Variants in PDE4B observed in about 807,000 individuals in gnomAD.
The protein encoded by PDE4B is 3',5'-cyclic-AMP phosphodiesterase 4B.
Under a neutral mutation model 82.2 loss-of-function variants are expected in PDE4B, and 20 were observed. The ratio of observed to expected loss-of-function variants is 0.24; its 90% CI spans 0.17 to 0.35. The LOEUF is 0.35. Among genes scored for constraint, PDE4B ranks in the 10% least tolerant of loss-of-function variants. The pLI, the probability that PDE4B is intolerant of heterozygous loss-of-function variation, is 1.00. For synonymous variants in PDE4B, 320 were observed against 318.9 expected, an observed-to-expected ratio of 1.00 and a Z score of -0.04; for missense variants, 655 against 907.2, an observed-to-expected ratio of 0.72 and a Z score of 3.57.
At chr1:66,255,691 T>C (rs999650058) in intron 4 of PDE4B, among the ~76,000 whole-genome samples, 3 of 152,246 alleles carry the variant, frequency 2.0e-5, no homozygotes, top group African/African-American at 4.8e-5. Flanking sequence ...TTCTCTAACC[T>C]GTAATTGTCA....
intron 3 of PDE4B, among the ~76,000 whole-genome samples, chr1:66,094,770 G>C (rs1176378165): frequency 2.0e-5 from 3 of 151,790 alleles, no homozygotes; most frequent in Admixed American, 6.6e-5. Flanking sequence ...ACATTTATAG[G>C]GCCAGCTGGC....
intron 15 of PDE4B, 53 bp downstream of exon 15, chr1:66,368,118 A>G (rs1480591409): frequency 3.8e-6 from 6 of 1,578,832 alleles, no homozygotes; most frequent in Non-Finnish European, 5.2e-6. Flanking sequence ...ACTAAGCTGA[A>G]CAACAATTAG....
intron 7 of PDE4B, among the ~76,000 whole-genome samples, chr1:66,275,665 G>A (rs912783100): frequency 9.2e-5 from 14 of 152,112 alleles, no homozygotes; most frequent in African/African-American, 2.9e-4. Context: ...TGGGGGCAGG[G>A]TGAATTCTGC....
intron 1 of PDE4B, among the ~76,000 whole-genome samples, chr1:65,811,088 CAG>C (rs1645814099): frequency 6.6e-6 from 1 of 152,154 alleles, no homozygotes; most frequent in African/African-American, 2.4e-5. Context: ...AAAAATGCTT[CAG>C]ACATTATCAA....
In PDE4B at chr1:65,815,084, T is replaced by C. The variant is rs1275863870; in HGVS notation, c.-71+21836T>C. On this transcript the variant is annotated intron_variant, in intron 1 of 16. Transcript: ENST00000341517. ...TTATTTATTATTATTATACTTTAAG[T>C]TTTACGGTACACGTGCACAATGTGC... is the stretch of plus-strand genomic sequence containing the variant. Among the ~76,000 whole-genome samples, 3 of 150,906 alleles carry C rather than the reference T, an allele frequency of 2.0e-5. No individual in the cohort carries two copies. In the South Asian group the frequency reaches 6.2e-4, roughly 31 times the overall value.
At chr1:66,369,073 CAAT>C in intron 16 of PDE4B, 104 bp downstream of exon 16, 1 of 817,240 alleles carries the variant, frequency 1.2e-6, no homozygotes, top group Non-Finnish European at 1.8e-6. Context: ...ATATATGAAA[CAAT>C]AAGGAGACAA....
intron 3 of PDE4B, among the ~76,000 whole-genome samples, chr1:66,067,719 T>A (rs1655933439): frequency 6.6e-6 from 1 of 152,120 alleles, no homozygotes; most frequent in Non-Finnish European, 1.5e-5. Flanking sequence ...AATTTTGGCT[T>A]TTATTGCCAT....
At chr1:66,183,776 A>G (rs1162212745) in intron 3 of PDE4B, among the ~76,000 whole-genome samples, 1 of 152,226 alleles carries the variant, frequency 6.6e-6, no homozygotes, top group African/African-American at 2.4e-5. Flanking sequence ...GGTAAAAGAT[A>G]CATAAGATAT....
intron 3 of PDE4B, among the ~76,000 whole-genome samples, chr1:66,160,343 C>T (rs1646585447): frequency 6.6e-6 from 1 of 152,240 alleles, no homozygotes; most frequent in Admixed American, 6.5e-5. Flanking sequence ...ATGGCTTCCT[C>T]ATTTGCTTAT....
intron 3 of PDE4B, among the ~76,000 whole-genome samples, chr1:65,987,623 T>A (rs935126435): frequency 3.3e-5 from 5 of 152,210 alleles, no homozygotes; most frequent in African/African-American, 7.2e-5. Flanking sequence ...TTATTTATTT[T>A]TTTTTGAGAT....
intron 3 of PDE4B, among the ~76,000 whole-genome samples, chr1:66,168,260 C>A (rs982931549): frequency 6.6e-6 from 1 of 152,102 alleles, no homozygotes; most frequent in African/African-American, 2.4e-5. Context: ...ATACAGAAAT[C>A]CTCTTTCTCC....
intron 3 of PDE4B, among the ~76,000 whole-genome samples, chr1:66,094,786 A>G (rs1334157478): frequency 1.3e-5 from 2 of 152,030 alleles, no homozygotes; most frequent in Non-Finnish European, 2.9e-5. Flanking sequence ...CTGGCATTCT[A>G]AATGCTTGAC....
At chr1:66,081,796 T>G in intron 3 of PDE4B, among the ~76,000 whole-genome samples, 1 of 147,272 alleles carries the variant, frequency 6.8e-6, no homozygotes. Context: ...TACACGGGAG[T>G]GAAAAGTAAA....
intron 1 of PDE4B, among the ~76,000 whole-genome samples, chr1:65,874,391 T>A (rs1646613243): frequency 6.6e-6 from 1 of 152,204 alleles, no homozygotes; most frequent in Non-Finnish European, 1.5e-5. Flanking sequence ...CCTCTTTTCC[T>A]AATTGAATAC....
chr1:65,945,708 T>C (rs1336323746), intron 3 of PDE4B, among the ~76,000 whole-genome samples: 1 of 152,026 alleles, frequency 6.6e-6, no homozygotes, highest in African/African-American at 2.4e-5. Flanking sequence ...AAGACCACTT[T>C]CTAGGCATTA....
At chr1:66,034,227 A>G (rs569273458) in intron 3 of PDE4B, among the ~76,000 whole-genome samples, 1 of 152,294 alleles carries the variant, frequency 6.6e-6, no homozygotes, top group South Asian at 2.1e-4. Flanking sequence ...ATTTTGAATT[A>G]TATATTTGAA....
chr1:66,171,852 T>C (rs998379379), intron 3 of PDE4B, among the ~76,000 whole-genome samples: 3 of 152,104 alleles, frequency 2.0e-5, no homozygotes, highest in African/African-American at 7.2e-5. Flanking sequence ...ATAAAAAAAA[T>C]TGATATGTGA....
chr1:66,003,701 C>A (rs1244854579), intron 3 of PDE4B, among the ~76,000 whole-genome samples: 4 of 152,146 alleles, frequency 2.6e-5, no homozygotes, highest in African/African-American at 9.7e-5. Context: ...GCAGTTTATA[C>A]AGGAATTCTT....
intron 1 of PDE4B, among the ~76,000 whole-genome samples, chr1:65,821,193 C>T (rs1188697721): frequency 6.6e-6 from 1 of 152,186 alleles, no homozygotes; most frequent in Admixed American, 6.5e-5. Flanking sequence ...GCTTATTCTG[C>T]CCCTAGAAAG....
Sources: gnomAD v4.1 joint callset for allele counts (sites outside exome capture counted in the v4.1 genomes callset) on GRCh38, gnomAD v4.1.1 for gene constraint, MANE v1.5 for transcripts, NCBI Gene and HGNC (gene_info 2026-07-23, HGNC 2026-07-21) for gene names.